The following MYO1B variants were observed in gnomAD, a reference collection of about 807,000 sequenced individuals.
MYO1B encodes the protein myosin IB.
In MYO1B, 72 loss-of-function variants were observed where a neutral mutation model predicts 159.7. That is an observed-to-expected ratio of 0.45 (90% CI 0.37 to 0.55). MYO1B has a LOEUF of 0.55. Ranked by LOEUF, MYO1B falls within the 20% of genes least tolerant of loss-of-function variation. The pLI, the probability that MYO1B is intolerant of heterozygous loss-of-function variation, is 0.00. For synonymous variants in MYO1B, 468 were observed against 473.8 expected (o/e 0.99, Z 0.16); for missense variants, 1,062 against 1,364.8 (o/e 0.78, Z 3.50).
intron 2 of MYO1B, among the ~76,000 whole-genome samples, chr2:191,289,708 G>C (rs1447441944): frequency 1.3e-5 from 2 of 152,108 alleles, no homozygotes; most frequent in Non-Finnish European, 2.9e-5. Flanking sequence ...GCAAAAATAG[G>C]TCATTATGGG....
At chr2:191,347,517 A>T (rs1041351581) in intron 6 of MYO1B, among the ~76,000 whole-genome samples, 8 of 152,238 alleles carry the variant, frequency 5.3e-5, no homozygotes, top group Non-Finnish European at 8.8e-5. Flanking sequence ...TTGCAAATAT[A>T]TTTAGTCTAT....
chr2:191,406,815 C>T (rs1696944614), intron 24 of MYO1B, among the ~76,000 whole-genome samples: 1 of 152,160 alleles, frequency 6.6e-6, no homozygotes, highest in Non-Finnish European at 1.5e-5. Context: ...TGTAAAAACT[C>T]AATGTCTGCA....
chr2:191,367,674 A>G (rs1176567306), intron 11 of MYO1B, among the ~76,000 whole-genome samples: 1 of 152,228 alleles, frequency 6.6e-6, no homozygotes, highest in Non-Finnish European at 1.5e-5. Flanking sequence ...AAGCTGGACG[A>G]CATTAAGATG....
intron 3 of MYO1B, among the ~76,000 whole-genome samples, chr2:191,313,008 A>G (rs1405859391): frequency 1.3e-5 from 2 of 152,162 alleles, no homozygotes; most frequent in Non-Finnish European, 2.9e-5. Flanking sequence ...ATTAGTCAGA[A>G]TAAGGTAGGT....
intron 3 of MYO1B, among the ~76,000 whole-genome samples, chr2:191,324,076 GTTGTTGTTGTATGGTATGTCT>G (rs1332536151): frequency 6.6e-6 from 1 of 151,992 alleles, no homozygotes; most frequent in Non-Finnish European, 1.5e-5. Context: ...AAAAAAATAA[GTTGTTGTTGTATGGTATGTCT>G]TTTTCTATTT....
At chr2:191,340,143 G>A (rs1210575535) in intron 4 of MYO1B, among the ~76,000 whole-genome samples, 1 of 152,050 alleles carries the variant, frequency 6.6e-6, no homozygotes, top group Non-Finnish European at 1.5e-5. Flanking sequence ...AAATAGTCAA[G>A]CATTTTCTGG....
rs1416681106 is a variant in MYO1B, at chr2:191,341,716, G to T, written c.451+151G>T. On this transcript the variant is annotated intron_variant, in intron 5 of 30. Transcript: ENST00000392318. ...AAGACCTGCTGAGCAAATAAGCCGT[G>T]TTCTAGAACCTCTTGGCCTAAGTGT... 5.6e-5 allele frequency: 32 copies of T among 567,106 alleles called. No individual in the cohort carries two copies. The East Asian group carries it at 9.8e-4, about 17-fold the overall frequency. 35.1% of individuals were successfully genotyped at this position (567,106 alleles called of 1,614,324 possible).
chr2:191,308,215 A>G (rs1488887768), intron 3 of MYO1B, among the ~76,000 whole-genome samples: 2 of 152,224 alleles, frequency 1.3e-5, no homozygotes, highest in African/African-American at 4.8e-5. Context: ...CCTGTTACCC[A>G]GGAAATTCCA....
intron 1 of MYO1B, among the ~76,000 whole-genome samples, chr2:191,259,173 G>A (rs1686647014): frequency 6.6e-6 from 1 of 152,234 alleles, no homozygotes; most frequent in Admixed American, 6.5e-5. Context: ...TTTTGCAGCT[G>A]TTGATATGTC....
chr2:191,358,982 T>G (rs1026328007), intron 7 of MYO1B, among the ~76,000 whole-genome samples: 5 of 152,256 alleles, frequency 3.3e-5, no homozygotes, highest in African/African-American at 1.2e-4. Context: ...TGAAGTCAAA[T>G]GTAGCATTTG....
intron 21 of MYO1B, among the ~76,000 whole-genome samples, chr2:191,398,707 T>A (rs1205076487): frequency 6.8e-6 from 1 of 147,462 alleles, no homozygotes; most frequent in Admixed American, 6.7e-5. Context: ...CTAGATGGGA[T>A]GGCGGCGGGG....
At chr2:191,357,890 C>T (rs1443928287) in intron 7 of MYO1B, among the ~76,000 whole-genome samples, 1 of 152,140 alleles carries the variant, frequency 6.6e-6, no homozygotes, top group East Asian at 1.9e-4. Context: ...AAACATTTTC[C>T]CTGATTACTT....
chr2:191,414,800 A>G (rs1051975640), intron 29 of MYO1B, 131 bp downstream of exon 29: 1 of 849,238 alleles, frequency 1.2e-6, no homozygotes, highest in Non-Finnish European at 1.7e-6. Flanking sequence ...ATTCACCCCT[A>G]TGTAAAATCT....
intron 3 of MYO1B, among the ~76,000 whole-genome samples, chr2:191,327,936 A>G (rs759379672): frequency 1.1e-4 from 16 of 152,244 alleles, no homozygotes; most frequent in Non-Finnish European, 2.1e-4. Flanking sequence ...AGGTTACAAA[A>G]TAAGACTAGG....
chr2:191,380,964 A>C, intron 13 of MYO1B: 1 of 255,354 alleles, frequency 3.9e-6, no homozygotes, highest in Non-Finnish European at 7.7e-6. Context: ...ATACTTACAC[A>C]TACACACATG....
chr2:191,325,315 T>C (rs1006878008), intron 3 of MYO1B, among the ~76,000 whole-genome samples: 17 of 152,144 alleles, frequency 1.1e-4, no homozygotes, highest in African/African-American at 4.1e-4. Flanking sequence ...CTGGTGTTAT[T>C]TGAAAGTACT....
intron 5 of MYO1B, among the ~76,000 whole-genome samples, chr2:191,344,702 C>T (rs1273928962): frequency 6.0e-5 from 9 of 150,536 alleles, no homozygotes; most frequent in Non-Finnish European, 3.0e-5. Flanking sequence ...TAGTGGCGGG[C>T]GCCTGTAGTC....
At position 191,266,089 on chromosome 2, in the gene MYO1B, G is replaced by C. The variant is rs556978990; in HGVS notation, c.-9-10798G>C. On this transcript the variant is annotated intron_variant, in intron 1 of 30. Coordinates refer to ENST00000392318, the MANE Select transcript of MYO1B (RefSeq NM_001130158.3). ...GCCATGACTCTGTAGAGCTTCCTCC[G>C]GGAAATGACTGTAGGGACAGTGGTG... 1.4e-4 allele frequency among the ~76,000 whole-genome samples: 21 copies of C among 152,244 alleles called. 2 individuals carry two copies. In the East Asian group the frequency reaches 4.1e-3, roughly 29 times the overall value.
intron 1 of MYO1B, among the ~76,000 whole-genome samples, chr2:191,265,429 G>A (rs1687077519): frequency 6.6e-6 from 1 of 152,156 alleles, no homozygotes; most frequent in African/African-American, 2.4e-5. Flanking sequence ...TCTACAAGTG[G>A]TGTAAGACTT....
Sources: gnomAD v4.1 joint callset for allele counts (sites outside exome capture counted in the v4.1 genomes callset) on GRCh38, gnomAD v4.1.1 for gene constraint, MANE v1.5 for transcripts, NCBI Gene and HGNC (gene_info 2026-07-23, HGNC 2026-07-21) for gene names.